Variants in ADARB2 observed in about 807,000 individuals in gnomAD.
ADARB2 encodes adenosine deaminase RNA specific B2 (inactive).
ADARB2 carries 25 observed loss-of-function variants against 62.2 expected under a neutral mutation model. That is an observed-to-expected ratio of 0.40 (90% CI 0.29 to 0.56). The LOEUF (loss-of-function observed/expected upper bound fraction) is 0.56. Among genes scored for constraint, ADARB2 ranks in the 20% least tolerant of loss-of-function variants. The pLI is 0.43. For missense variants in ADARB2, 1,071 were observed against 1,077.4 expected (o/e 0.99, Z 0.08); for synonymous variants, 572 against 500.8 (o/e 1.14, Z -1.90).
At chr10:1,684,289 C>A (rs1834574939) in intron 1 of ADARB2, among the ~76,000 whole-genome samples, 1 of 152,174 alleles carries the variant, frequency 6.6e-6, no homozygotes, top group African/African-American at 2.4e-5. Context: ...TAAATGTTTT[C>A]TTAATGCATT....
intron 3 of ADARB2, among the ~76,000 whole-genome samples, chr10:1,315,697 G>GC (rs1306474392): frequency 2.0e-5 from 3 of 152,166 alleles, no homozygotes; most frequent in Non-Finnish European, 4.4e-5. Context: ...CCTTCCCTAT[G>GC]CCCCAGCATC....
rs1042287405 is a variant in ADARB2 at position 1,241,477 on chromosome 10, C to T, written c.1361+654G>A. Among the ~76,000 whole-genome samples the T allele has an allele frequency of 2.6e-5, 4 of 152,134 alleles. No homozygotes were observed. The South Asian group carries it at 6.2e-4, about 24-fold the overall frequency. ...AGTAGACAGCAGACACAGGAGGGAGCGTTTCAGGAGAGGAGCCCACAGTGA... is the reference window on the plus strand; with the variant it reads ...AGTAGACAGCAGACACAGGAGGGAGTGTTTCAGGAGAGGAGCCCACAGTGA... On this transcript the variant is annotated intron_variant, in intron 5 of 9. Coordinates refer to ENST00000381312, the MANE Select transcript of ADARB2 (RefSeq NM_018702.4).
Position 1,551,786 on chromosome 10 carries a change from C to T in ADARB2, c.101-172626G>A, listed in dbSNP as rs547137714. ...GCGATGGCCAAATCGAAGGTCCTGC[C>T]GGGCTTCCGGCTCTGAATGTCTCCG... On this transcript the variant is annotated intron_variant, in intron 1 of 9. Transcript: ENST00000381312. Among the ~76,000 whole-genome samples, 100 of 152,264 alleles carry T rather than the reference C, an allele frequency of 6.6e-4. 2 individuals are homozygous for T. The South Asian group carries it at 0.017, about 27-fold the overall frequency.
At chr10:1,326,673 C>T (rs1024790240) in intron 3 of ADARB2, among the ~76,000 whole-genome samples, 1 of 148,568 alleles carries the variant, frequency 6.7e-6, no homozygotes, top group South Asian at 2.1e-4. Flanking sequence ...ACCCATAGGG[C>T]TCCTTCCCAC....
intron 1 of ADARB2, among the ~76,000 whole-genome samples, chr10:1,473,378 TTG>T (rs1358989400): frequency 3.9e-5 from 6 of 151,976 alleles, no homozygotes; most frequent in Non-Finnish European, 8.8e-5. Context: ...GTTGTTGTTG[TTG>T]TTTTGTTTTG....
intron 1 of ADARB2, among the ~76,000 whole-genome samples, chr10:1,730,058 G>A (rs1352377039): frequency 1.3e-5 from 2 of 152,224 alleles, no homozygotes; most frequent in Non-Finnish European, 2.9e-5. Flanking sequence ...TGAAGGTGTT[G>A]AGCTATCATT....
At chr10:1,725,384 T>A (rs1358522060) in intron 1 of ADARB2, among the ~76,000 whole-genome samples, 2 of 152,200 alleles carry the variant, frequency 1.3e-5, no homozygotes, top group African/African-American at 2.4e-5. Context: ...CAGACTAGAA[T>A]GTCATTCCTT....
chr10:1,284,823 G>T (rs1285275807), intron 3 of ADARB2, among the ~76,000 whole-genome samples: 1 of 152,174 alleles, frequency 6.6e-6, no homozygotes, highest in Non-Finnish European at 1.5e-5. Context: ...CAGCACATCT[G>T]TGGGGTCCAA....
At chr10:1,242,609 A>G (rs10903409) in intron 4 of ADARB2, among the ~76,000 whole-genome samples, 102,366 of 152,040 alleles carry the variant, frequency 0.67, 34,895 homozygotes, top group African/African-American at 0.77. Context: ...TACTACCAGG[A>G]CAGTTTTCTC....
intron 3 of ADARB2, among the ~76,000 whole-genome samples, chr10:1,311,837 A>G (rs893678333): frequency 6.6e-6 from 1 of 152,206 alleles, no homozygotes; most frequent in African/African-American, 2.4e-5. Context: ...CTCTTTCTGG[A>G]GCCAATGGGC....
At chr10:1,686,175 G>A (rs1025473562) in intron 1 of ADARB2, among the ~76,000 whole-genome samples, 2 of 152,234 alleles carry the variant, frequency 1.3e-5, no homozygotes, top group African/African-American at 4.8e-5. Flanking sequence ...AGGCTGGTTA[G>A]GGGAAGCAGC....
At chr10:1,276,402 A>G (rs1831317252) in intron 3 of ADARB2, among the ~76,000 whole-genome samples, 1 of 151,804 alleles carries the variant, frequency 6.6e-6, no homozygotes. Context: ...TAGATTCTGG[A>G]TATTAGTCCT....
chr10:1,416,280 A>C (rs778440177), intron 1 of ADARB2, among the ~76,000 whole-genome samples: 3 of 152,242 alleles, frequency 2.0e-5, no homozygotes, highest in Non-Finnish European at 4.4e-5. Flanking sequence ...GATATTTTTG[A>C]ATAAATGAAT....
intron 1 of ADARB2, among the ~76,000 whole-genome samples, chr10:1,598,558 G>A (rs1123755): frequency 0.17 from 25,212 of 152,174 alleles, 2,463 homozygotes; most frequent in Non-Finnish European, 0.21. Context: ...GGACCGAAAC[G>A]GGTCGGGGAT....
At chr10:1,453,980 T>C (rs977167044) in intron 1 of ADARB2, among the ~76,000 whole-genome samples, 2 of 152,210 alleles carry the variant, frequency 1.3e-5, no homozygotes, top group Non-Finnish European at 2.9e-5. Context: ...TCTAGTTATA[T>C]AGTGTATTGG....
intron 1 of ADARB2, among the ~76,000 whole-genome samples, chr10:1,574,090 G>A (rs1832975762): frequency 6.6e-6 from 1 of 152,172 alleles, no homozygotes; most frequent in African/African-American, 2.4e-5. Context: ...ACCCACACAG[G>A]GAATCCTGAG....
intron 1 of ADARB2, among the ~76,000 whole-genome samples, chr10:1,478,619 C>T (rs561616672): frequency 4.7e-5 from 7 of 150,070 alleles, no homozygotes; most frequent in East Asian, 4.0e-4. Context: ...GATGGGAGTG[C>T]GCCAAAACAA....
intron 1 of ADARB2, among the ~76,000 whole-genome samples, chr10:1,498,495 G>A (rs1831721469): frequency 2.0e-5 from 3 of 151,850 alleles, no homozygotes; most frequent in Admixed American, 2.0e-4. Context: ...CCTATGACCA[G>A]GTAATCTCAC....
At chr10:1,711,211 A>G (rs1834945541) in intron 1 of ADARB2, among the ~76,000 whole-genome samples, 1 of 152,104 alleles carries the variant, frequency 6.6e-6, no homozygotes, top group Admixed American at 6.5e-5. Context: ...GCCAGTGGGG[A>G]GCTGACTTAC....
Sources: allele counts gnomAD v4.1 joint callset (sites outside exome capture counted in the v4.1 genomes callset), GRCh38; gene constraint gnomAD v4.1.1; transcripts MANE v1.5; gene names NCBI Gene and HGNC (gene_info 2026-07-23, HGNC 2026-07-21).